ASTN2: variants seen among roughly 807,000 people sequenced by gnomAD.
ASTN2 encodes astrotactin-2.
In ASTN2, 54 loss-of-function variants were observed where a neutral mutation model predicts 139.8. The observed-to-expected ratio is 0.39, with a 90% CI of 0.31 to 0.48. ASTN2 has a LOEUF of 0.48. Ranked by LOEUF, ASTN2 falls within the 20% of genes least tolerant of loss-of-function variation. The pLI, the probability that ASTN2 is intolerant of heterozygous loss-of-function variation, is 0.95. For synonymous variants in ASTN2, 756 were observed against 719.5 expected (o/e 1.05, Z -0.81); for missense variants, 1,565 against 1,725.1 (o/e 0.91, Z 1.64).
chr9:116,624,766 A>G (rs1856355479), intron 17 of ASTN2, among the ~76,000 whole-genome samples: 1 of 152,136 alleles, frequency 6.6e-6, no homozygotes, highest in South Asian at 2.1e-4. Context: ...TGAAGTCCTT[A>G]TTAATGCCTA....
chr9:117,373,012 G>T (rs1830027791), intron 1 of ASTN2, among the ~76,000 whole-genome samples: 1 of 152,138 alleles, frequency 6.6e-6, no homozygotes. Context: ...TTTCTACATT[G>T]GGGATGATGG....
intron 4 of ASTN2, among the ~76,000 whole-genome samples, chr9:117,126,390 T>C (rs551825070): frequency 6.6e-6 from 1 of 152,300 alleles, no homozygotes; most frequent in Middle Eastern, 3.4e-3. Context: ...TTTGGGCAAC[T>C]TACTTCATGT....
Position 116,751,546 on chromosome 9 carries a change from ATT to A in ASTN2, c.2397-18025_2397-18024del, listed in dbSNP as rs200240710. Among the ~76,000 whole-genome samples the A allele has an allele frequency of 5.4e-4, 82 of 151,828 alleles. No individual in the cohort carries two copies. The East Asian group carries it at 0.016, about 29-fold the overall frequency. Reference sequence around the variant, plus strand: ...TGCTCCATAAATGTTAACTATTATTATTGTTATTATTATTATTATTAGAAATG... The same window carrying A: ...TGCTCCATAAATGTTAACTATTATTAGTTATTATTATTATTATTAGAAATG... On this transcript the variant is annotated intron_variant, in intron 13 of 22. Transcript: ENST00000313400.
chr9:116,869,122 T>A (rs113336423), intron 10 of ASTN2, among the ~76,000 whole-genome samples: 3,135 of 151,828 alleles, frequency 0.021, 122 homozygotes, highest in African/African-American at 0.068. Context: ...GAGGCAGAGG[T>A]TGTAGTGAGC....
intron 19 of ASTN2, among the ~76,000 whole-genome samples, chr9:116,532,309 G>T (rs1468280151): frequency 2.0e-5 from 3 of 152,140 alleles, no homozygotes; most frequent in Non-Finnish European, 4.4e-5. Flanking sequence ...CATTCTGTAG[G>T]TTGCTTGTTC....
At chr9:117,130,469 C>G (rs966697416) in intron 4 of ASTN2, among the ~76,000 whole-genome samples, 9 of 152,154 alleles carry the variant, frequency 5.9e-5, no homozygotes, top group African/African-American at 2.2e-4. Flanking sequence ...CCACCTGACC[C>G]CCTACCTGGA....
In ASTN2 at chr9:116,666,000, T is replaced by G. The variant is rs150775985; in HGVS notation, c.2807-14207A>C. Among the ~76,000 whole-genome samples the G allele has an allele frequency of 1.3e-3, 197 of 152,342 alleles. 1 individual carries two copies. The highest frequency in any genetic ancestry group is 2.1e-3 in the Non-Finnish European group (144 of 68,026). On this transcript the variant is annotated intron_variant, in intron 16 of 22. Transcript: ENST00000313400. ...GAACTGGATTTCAGGGTAACCATAT[T>G]TTTTATGGAAATACTGCAGGTAATA...
chr9:116,695,933 C>T (rs895741809), intron 16 of ASTN2, among the ~76,000 whole-genome samples: 3 of 152,162 alleles, frequency 2.0e-5, no homozygotes, highest in African/African-American at 7.2e-5. Context: ...CTTTGGCTAT[C>T]TCTGCTCTTC....
chr9:116,621,221 C>T (rs183759858), intron 17 of ASTN2, among the ~76,000 whole-genome samples: 8 of 152,210 alleles, frequency 5.3e-5, no homozygotes, highest in Admixed American at 4.6e-4. Context: ...CTTAACACTG[C>T]CTTTGTAGCA....
At position 116,969,081 on chromosome 9, in the gene ASTN2, C is replaced by T. The variant is rs532996797; in HGVS notation, c.1889+6127G>A. Among the ~76,000 whole-genome samples the T allele has an allele frequency of 3.3e-5, 5 of 152,178 alleles. No individual in the cohort carries two copies. The East Asian group carries it at 9.7e-4, about 30-fold the overall frequency. ...ATCTCAATCCAGGGGTTAAGGTGCT[C>T]CTCATTCAACCCTGGTTTCAAGGGT... On this transcript the variant is annotated intron_variant, in intron 10 of 22. Transcript: ENST00000313400.
At chr9:116,502,012 G>A (rs1054728645) in intron 19 of ASTN2, among the ~76,000 whole-genome samples, 1 of 151,992 alleles carries the variant, frequency 6.6e-6, no homozygotes, top group Non-Finnish European at 1.5e-5. Flanking sequence ...CCAGAAGGGT[G>A]GGGAGAAGGC....
At chr9:117,206,804 A>C (rs1831941032) in intron 3 of ASTN2, among the ~76,000 whole-genome samples, 1 of 152,154 alleles carries the variant, frequency 6.6e-6, no homozygotes. Context: ...AAGTGGGAGA[A>C]GCCTCTGAGC....
chr9:116,866,099 C>T (rs559523619), intron 10 of ASTN2, among the ~76,000 whole-genome samples: 3 of 152,082 alleles, frequency 2.0e-5, no homozygotes, highest in Non-Finnish European at 4.4e-5. Context: ...ACTTATTGAT[C>T]TTAATTATCA....
chr9:116,912,500 T>A (rs1286959778), intron 10 of ASTN2, among the ~76,000 whole-genome samples: 1 of 152,228 alleles, frequency 6.6e-6, no homozygotes, highest in African/African-American at 2.4e-5. Context: ...ATAGGCTGGT[T>A]TAGGTAGTTG....
chr9:116,885,235 T>C (rs982107831), intron 10 of ASTN2, among the ~76,000 whole-genome samples: 1 of 152,078 alleles, frequency 6.6e-6, no homozygotes, highest in Admixed American at 6.6e-5. Context: ...TCCCAACACA[T>C]ACAAATGAAA....
At chr9:116,967,886 G>A (rs1386416428) in intron 10 of ASTN2, among the ~76,000 whole-genome samples, 2 of 152,130 alleles carry the variant, frequency 1.3e-5, no homozygotes, top group East Asian at 3.9e-4. Context: ...ATGTGATCCA[G>A]AGAAAGGAGG....
At chr9:117,275,564 C>CTTTTT (rs57767279) in intron 2 of ASTN2, among the ~76,000 whole-genome samples, 7 of 119,186 alleles carry the variant, frequency 5.9e-5, no homozygotes, top group East Asian at 2.4e-4. Flanking sequence ...ATCTCTCCCT[C>CTTTTT]TTTTTTTTTT....
intron 10 of ASTN2, among the ~76,000 whole-genome samples, chr9:116,951,407 C>T (rs534027156): frequency 7.0e-6 from 1 of 143,404 alleles, no homozygotes; most frequent in East Asian, 2.3e-4. Context: ...GAGCCCATCT[C>T]TCACACAGCA....
intron 19 of ASTN2, among the ~76,000 whole-genome samples, chr9:116,556,206 AC>A (rs936041147): frequency 1.3e-5 from 2 of 152,154 alleles, no homozygotes; most frequent in African/African-American, 4.8e-5. Flanking sequence ...GTCCTACCTC[AC>A]CTTTGGTAAA....
Sources: gnomAD v4.1 joint callset for allele counts (sites outside exome capture counted in the v4.1 genomes callset) on GRCh38, gnomAD v4.1.1 for gene constraint, MANE v1.5 for transcripts, NCBI Gene and HGNC (gene_info 2026-07-23, HGNC 2026-07-21) for gene names.